ZNF335: variants seen among roughly 807,000 people sequenced by gnomAD.
The protein encoded by ZNF335 is NRC-interacting factor 1.
In ZNF335, 84 loss-of-function variants were observed where a neutral mutation model predicts 145.6. The observed-to-expected ratio is 0.58, with a 90% CI of 0.48 to 0.69. ZNF335 has a LOEUF of 0.69. ZNF335 is among the 30% of genes least tolerant of loss of function. The pLI is 0.00. For synonymous variants in ZNF335, 761 were observed against 717.0 expected (o/e 1.06, Z -0.98); for missense variants, 1,865 against 1,809.7 (o/e 1.03, Z -0.55).
At chr20:45,965,391 G>C (rs536070784) in intron 7 of ZNF335, among the ~76,000 whole-genome samples, 4 of 152,224 alleles carry the variant, frequency 2.6e-5, no homozygotes, top group South Asian at 4.2e-4. Context: ...TTTCTCTTTT[G>C]CTATGACAAA....
intron 7 of ZNF335, chr20:45,964,544 G>A (rs2083913837): frequency 6.6e-6 from 1 of 152,624 alleles, no homozygotes; most frequent in South Asian, 2.1e-4. Flanking sequence ...AACATTGACA[G>A]TATTTAAATA....
At position 45,960,693 on chromosome 20, in the gene ZNF335, G is replaced by A. The variant is rs775704379; in HGVS notation, c.1705C>T (p.Arg569Cys). The change falls in exon 12 of 28, where the codon CGT (arginine) becomes TGT (cysteine). Residue 569 changes from arginine (R) to cysteine (C), a missense_variant. Coordinates refer to ENST00000322927, the MANE Select transcript of ZNF335 (RefSeq NM_022095.4). ...AGTCTTTTCTGCATGGGGTACACAC[G>A]GCCACACACAGGGCAGGGGAAAGAG... ...LSSFPCPVCG[R>C]VYPMQKRLTQ... 3.1e-6 allele frequency: 5 copies of A among 1,614,076 alleles called. No homozygotes were observed. Among genetic ancestry groups the A allele is most frequent in the East Asian group, 4.5e-5 (2 of 44,880 alleles).
In ZNF335 at chr20:45,967,974, C is replaced by G; in HGVS notation, c.574G>C (p.Ala192Pro). 6.2e-7 allele frequency: 1 copy of G among 1,612,820 alleles called. No homozygotes were observed. The highest frequency in any genetic ancestry group is 8.5e-7 in the Non-Finnish European group (1 of 1,180,040). The stretch of plus-strand genomic sequence containing the variant: ...GGGCCATCTGCCAGGGCCTCAATGG[C>G]TGCTAGGCTGTGGGCCAAGGTGGAA... ...SSSTLAHSLA[A>P]IEALADGPTS... Residue 192 changes from alanine to proline, a missense_variant, in exon 5 of 28, where the codon GCC (alanine) becomes CCC (proline). By Grantham distance (27) the Ala-to-Pro change is conservative (BLOSUM62 -1). Transcript: ENST00000322927.
At chr20:45,965,069 T>TAATAATAATAATAATACA (rs1203499217) in intron 7 of ZNF335, among the ~76,000 whole-genome samples, 4 of 147,846 alleles carry the variant, frequency 2.7e-5, no homozygotes, top group African/African-American at 1.0e-4. Flanking sequence ...ATAATAATAA[T>TAATAATAATAATAATACA]ACAACAACTC....
intron 9 of ZNF335, 99 bp from the exon 10 acceptor site, chr20:45,962,281 A>C (rs2083857943): frequency 1.1e-6 from 1 of 916,828 alleles, no homozygotes; most frequent in African/African-American, 1.6e-5. Flanking sequence ...TTGCTGCGGG[A>C]GCAGCTCACA....
At chr20:45,951,722 A>G (rs746693589) in intron 20 of ZNF335, among the ~76,000 whole-genome samples, 1 of 152,316 alleles carries the variant, frequency 6.6e-6, no homozygotes, top group Non-Finnish European at 1.5e-5. Context: ...CCTGGTTCCT[A>G]ACAGGCCATG....
chr20:45,971,873 A>G lies in ZNF335; in HGVS notation c.-51+249T>C, dbSNP rs980654268. On this transcript the variant is annotated intron_variant, in intron 1 of 27. Transcript: ENST00000322927. ...CGGTTCCCCTGCGGAGGCGGCTGACAGCGACGGTCTCGGGGCCTGGCGATT... is the reference window on the plus strand; with the variant it reads ...CGGTTCCCCTGCGGAGGCGGCTGACGGCGACGGTCTCGGGGCCTGGCGATT... The G allele has an allele frequency of 9.3e-5, 92 of 985,278 alleles. No individual in the cohort carries two copies. In the African/African-American group the frequency reaches 1.4e-3, roughly 15 times the overall value. The allele number at this position is 985,278 out of a possible 1,614,324, so 61.0% of individuals were successfully genotyped here.
At position 45,948,922 on chromosome 20, in the gene ZNF335, A is replaced by T; in HGVS notation, c.*31T>A. ...CCCTACCCCCAGGAGAGCTGGCCGCAAATCCATGATCTGTGTTGGGCCCTC... is the reference window on the plus strand; with the variant it reads ...CCCTACCCCCAGGAGAGCTGGCCGCTAATCCATGATCTGTGTTGGGCCCTC... On this transcript the variant is annotated 3_prime_UTR_variant, in exon 28 of 28. Coordinates refer to ENST00000322927, the MANE Select transcript of ZNF335 (RefSeq NM_022095.4). 2 of 1,613,528 alleles carry T rather than the reference A, an allele frequency of 1.2e-6. No individual in the cohort carries two copies. The highest frequency in any genetic ancestry group is 1.7e-6 in the Non-Finnish European group (2 of 1,179,948).
At position 45,968,330 on chromosome 20, in the gene ZNF335, C is replaced by G. The variant is rs565540162; in HGVS notation, c.475G>C (p.Gly159Arg). 6.2e-7 allele frequency: 1 copy of G among 1,613,146 alleles called. No individual in the cohort carries two copies. Among genetic ancestry groups the G allele is most frequent in the South Asian group, 1.1e-5 (1 of 91,066 alleles). ...CITVTSAEDG[G>R]AETTRYLILQ... ...ATCAGGTACCGTGTGGTCTCGGCCC[C>G]GCCATCCTCAGCACTGGTCACAGTG... The change falls in exon 4 of 28, where the codon GGG becomes CGG. Residue 159 changes from glycine (G) to arginine (R), a missense_variant. Gly to Arg is a moderately radical substitution (Grantham distance 125). Coordinates refer to ENST00000322927, the MANE Select transcript of ZNF335 (RefSeq NM_022095.4).
intron 2 of ZNF335, chr20:45,969,960 T>C (rs541154123): frequency 8.1e-6 from 3 of 369,676 alleles, no homozygotes; most frequent in Non-Finnish European, 1.5e-5. Flanking sequence ...GGGAGCTATT[T>C]TCTTTGGGCT....
At chr20:45,951,955 GTTGTGTGTGGT>G (rs1183955031) in intron 20 of ZNF335, among the ~76,000 whole-genome samples, 181 bp downstream of exon 20, 4 of 152,350 alleles carry the variant, frequency 2.6e-5, no homozygotes, top group Non-Finnish European at 2.9e-5. Context: ...CATTAGTCAC[GTTGTGTGTGGT>G]TTGCCTCCCC....
intron 1 of ZNF335, chr20:45,971,737 G>A (rs957867937): frequency 7.1e-6 from 7 of 985,476 alleles, no homozygotes; most frequent in Non-Finnish European, 8.4e-6. Flanking sequence ...GTTCCGCTCT[G>A]TGAGCCCCAT....
At chr20:45,961,033 G>C (rs753988240) in intron 10 of ZNF335, 151 bp from the exon 11 acceptor site, 35 of 984,924 alleles carry the variant, frequency 3.6e-5, no homozygotes, top group Non-Finnish European at 4.9e-5. Context: ...GGAGTTCACT[G>C]GGGAAAACGC....
intron 23 of ZNF335, 21 bp downstream of exon 23, chr20:45,949,945 G>A (rs1235089726): frequency 2.5e-6 from 4 of 1,613,974 alleles, no homozygotes; most frequent in Non-Finnish European, 3.4e-6. Flanking sequence ...TGGCCAGAGG[G>A]CCCCCAGTCC....
chr20:45,959,987 G>A (rs559986465), intron 14 of ZNF335, among the ~76,000 whole-genome samples: 18 of 152,314 alleles, frequency 1.2e-4, no homozygotes, highest in Admixed American at 8.5e-4. Context: ...GAGGGCAAGC[G>A]ACCGGCCCAG....
intron 17 of ZNF335, among the ~76,000 whole-genome samples, chr20:45,956,565 A>C (rs1255931985): frequency 6.6e-6 from 1 of 152,206 alleles, no homozygotes; most frequent in Non-Finnish European, 1.5e-5. Context: ...TTTTGTAAGC[A>C]GAAAAACTCT....
rs763235246 is a variant in ZNF335 at position 45,969,668 on chromosome 20, C to T, written c.225G>A (p.Ser75=). Residue 75 remains serine (S), a synonymous_variant, in exon 3 of 28, where the codon TCG becomes TCA. Transcript: ENST00000322927. ...RSQEEVSESS[S]SADPLPNSYL... ...AGCTATTAGGCAGGGGGTCTGCGCT[C>T]GAGCTGCTCTCAGATACCTCCTCCT... The T allele has an allele frequency of 8.1e-6, 13 of 1,611,682 alleles. No homozygotes were observed. Among genetic ancestry groups the T allele is most frequent in the South Asian group, 1.1e-5 (1 of 90,986 alleles).
In ZNF335 at chr20:45,963,499, G is replaced by T; in HGVS notation, c.1507C>A (p.Arg503Ser). Residue 503 changes from arginine to serine, a missense_variant, in exon 9 of 28, where the codon CGT becomes AGT. Arg to Ser is a moderately radical substitution (Grantham distance 110). Coordinates refer to ENST00000322927, the MANE Select transcript of ZNF335 (RefSeq NM_022095.4). Reference sequence around the variant, plus strand: ...TTGAGCGAGGACCAGCGGCGGGAACGATAGCTGCACTGCAGGCACTTGAAG... The same window carrying T: ...TTGAGCGAGGACCAGCGGCGGGAACTATAGCTGCACTGCAGGCACTTGAAG... ...QLFKCLQCSY[R>S]SRRWSSLKEH... 6.2e-7 allele frequency: 1 copy of T among 1,613,260 alleles called. No homozygotes were observed. The highest frequency in any genetic ancestry group is 8.5e-7 in the Non-Finnish European group (1 of 1,179,426).
chr20:45,948,778 T>TG lies in ZNF335; in HGVS notation c.*174dup. Reference sequence around the variant, plus strand: ...GCTGGGGCACCCAGCATGTCCTGGCTGGGGCCCATGGCTGCCCCTAACCCC... The same window carrying TG: ...GCTGGGGCACCCAGCATGTCCTGGCTGGGGGCCCATGGCTGCCCCTAACCCC... On this transcript the variant is annotated 3_prime_UTR_variant, in exon 28 of 28. Coordinates refer to ENST00000322927, the MANE Select transcript of ZNF335 (RefSeq NM_022095.4). 3 of 995,362 alleles carry TG rather than the reference T, an allele frequency of 3.0e-6. No individual in the cohort carries two copies. Among genetic ancestry groups the TG allele is most frequent in the Non-Finnish European group, 4.4e-6 (3 of 677,162 alleles). The allele number at this position is 995,362 out of a possible 1,614,324, so 61.7% of individuals were successfully genotyped here. A position where few individuals can be genotyped will look rare whatever the true frequency, so the allele number is the denominator to read the frequency against.
Sources: allele counts gnomAD v4.1 joint callset (sites outside exome capture counted in the v4.1 genomes callset), GRCh38; gene constraint gnomAD v4.1.1; transcripts MANE v1.5; gene names NCBI Gene and HGNC (gene_info 2026-07-23, HGNC 2026-07-21).